FAM135B: variants seen among roughly 807,000 people sequenced by gnomAD.
The protein encoded by FAM135B is protein FAM135B.
In FAM135B, 43 loss-of-function variants were observed where a neutral mutation model predicts 127.7. The ratio of observed to expected loss-of-function variants is 0.34; its 90% CI spans 0.26 to 0.43. The LOEUF (loss-of-function observed/expected upper bound fraction) is 0.43. FAM135B is among the 20% of genes least tolerant of loss of function. The pLI is 1.00. For synonymous variants in FAM135B, 670 were observed against 665.1 expected (o/e 1.01, Z -0.11); for missense variants, 1,558 against 1,725.6 (o/e 0.90, Z 1.72).
At chr8:138,359,524 G>C (rs943731369) in intron 2 of FAM135B, among the ~76,000 whole-genome samples, 3 of 152,182 alleles carry the variant, frequency 2.0e-5, no homozygotes, top group Non-Finnish European at 2.9e-5. Flanking sequence ...TGACTGCCCA[G>C]CTCTCTAACA....
In FAM135B at chr8:138,243,135, C is replaced by A. The variant is rs2130389981; in HGVS notation, c.543-67G>T. On this transcript the variant is annotated intron_variant, in intron 6 of 19. Coordinates refer to ENST00000395297, the MANE Select transcript of FAM135B (RefSeq NM_015912.4). The surrounding 1 kb of genome is among the most constrained non-coding windows in gnomAD (Gnocchi z 7.5). ...AAAGTGATGGTGCCATTAACTCAGC[C>A]CCTTTGAGGAGTGTTCCTGTGAAGC... 6.5e-7 allele frequency: 1 copy of A among 1,536,978 alleles called. No homozygotes were observed.
chr8:138,303,284 A>G (rs868221826), intron 3 of FAM135B, among the ~76,000 whole-genome samples: 6 of 152,328 alleles, frequency 3.9e-5, no homozygotes, highest in African/African-American at 1.4e-4. Flanking sequence ...TGTCCTTTGC[A>G]GGATCATGGA....
Position 138,168,970 on chromosome 8 carries a change from T to C in FAM135B, c.1104-921A>G, listed in dbSNP as rs574969172. ...TGGAAGCCCCCCTTCTCCAGTCTTGTAGACCAGCTGCCTGTAGAAGAGCTT... is the reference window on the plus strand; with the variant it reads ...TGGAAGCCCCCCTTCTCCAGTCTTGCAGACCAGCTGCCTGTAGAAGAGCTT... On this transcript the variant is annotated intron_variant, in intron 11 of 19. Coordinates refer to ENST00000395297, the MANE Select transcript of FAM135B (RefSeq NM_015912.4). Among the ~76,000 whole-genome samples the C allele has an allele frequency of 9.2e-5, 14 of 152,280 alleles. No individual in the cohort carries two copies. In the East Asian group the frequency reaches 2.1e-3, roughly 23 times the overall value.
intron 1 of FAM135B, among the ~76,000 whole-genome samples, chr8:138,394,205 A>C (rs1832740678): frequency 2.6e-5 from 4 of 152,178 alleles, no homozygotes. Flanking sequence ...GACATTTTTC[A>C]AAACCTCTGG....
At chr8:138,137,843 C>T (rs903201152) in intron 18 of FAM135B, among the ~76,000 whole-genome samples, 2 of 152,128 alleles carry the variant, frequency 1.3e-5, no homozygotes, top group African/African-American at 4.8e-5. Context: ...TGTATCCCTG[C>T]AGGCCTCAGA....
intron 1 of FAM135B, among the ~76,000 whole-genome samples, chr8:138,452,115 C>T (rs1379784463): frequency 6.6e-6 from 1 of 150,790 alleles, no homozygotes; most frequent in Non-Finnish European, 1.5e-5. Context: ...ATTTCATCCA[C>T]CCAATCTGCT....
chr8:138,294,748 T>C (rs986808440), intron 3 of FAM135B, among the ~76,000 whole-genome samples: 9 of 152,284 alleles, frequency 5.9e-5, no homozygotes, highest in Non-Finnish European at 1.2e-4. Context: ...GAAACAGAAG[T>C]TCTTTCTCAT....
chr8:138,428,059 A>G (rs1392829608), intron 1 of FAM135B, among the ~76,000 whole-genome samples: 4 of 152,176 alleles, frequency 2.6e-5, no homozygotes, highest in African/African-American at 9.7e-5. Context: ...ATAGGCTTCC[A>G]TTAGTTGGGT....
intron 2 of FAM135B, among the ~76,000 whole-genome samples, chr8:138,314,637 G>A (rs948720159): frequency 2.7e-5 from 4 of 150,608 alleles, no homozygotes; most frequent in African/African-American, 4.9e-5. Context: ...TTCGGAGGCC[G>A]AGGCTGGAGA....
chr8:138,449,670 A>G (rs1001049422), intron 1 of FAM135B, among the ~76,000 whole-genome samples: 1 of 152,126 alleles, frequency 6.6e-6, no homozygotes, highest in Non-Finnish European at 1.5e-5. Context: ...TGTTTTTCAA[A>G]CAGCTTTAGG....
intron 2 of FAM135B, among the ~76,000 whole-genome samples, chr8:138,366,272 C>T (rs1355262370): frequency 1.3e-5 from 2 of 152,096 alleles, no homozygotes; most frequent in Admixed American, 6.5e-5. Flanking sequence ...TGTCTAATAC[C>T]ATGATGGAAA....
At chr8:138,167,558 T>A (rs999929323) in intron 12 of FAM135B, among the ~76,000 whole-genome samples, 1 of 152,172 alleles carries the variant, frequency 6.6e-6, no homozygotes, top group Non-Finnish European at 1.5e-5. Context: ...ACATTTGAGA[T>A]AAGAAAGAAT....
chr8:138,301,372 T>A (rs545412542), intron 3 of FAM135B, among the ~76,000 whole-genome samples: 152 of 152,264 alleles, frequency 1.0e-3, no homozygotes, highest in African/African-American at 3.6e-3. Flanking sequence ...ACAATCAGGA[T>A]TTTTTTTCTT....
intron 12 of FAM135B, among the ~76,000 whole-genome samples, chr8:138,165,493 T>C (rs1819828348): frequency 6.6e-6 from 1 of 152,110 alleles, no homozygotes; most frequent in Non-Finnish European, 1.5e-5. Flanking sequence ...CTGAGATTCA[T>C]ATTCACAAGA....
At chr8:138,345,161 G>A (rs1829325216) in intron 2 of FAM135B, among the ~76,000 whole-genome samples, 1 of 152,198 alleles carries the variant, frequency 6.6e-6, no homozygotes, top group Non-Finnish European at 1.5e-5. Flanking sequence ...AGCTTTGGCT[G>A]AGCCTCATTC....
chr8:138,179,869 C>T (rs190653546), intron 9 of FAM135B, among the ~76,000 whole-genome samples: 30 of 152,132 alleles, frequency 2.0e-4, no homozygotes, highest in South Asian at 1.0e-3. Context: ...TTTGTAGAGA[C>T]GGGGTCTCAC....
intron 1 of FAM135B, among the ~76,000 whole-genome samples, chr8:138,416,181 C>T (rs954114054): frequency 6.6e-6 from 1 of 152,148 alleles, no homozygotes. Context: ...ATTCTCTGTA[C>T]TTTTGGAGTA....
intron 6 of FAM135B, among the ~76,000 whole-genome samples, chr8:138,247,252 G>T (rs1821361494): frequency 6.6e-6 from 1 of 152,188 alleles, no homozygotes; most frequent in Non-Finnish European, 1.5e-5. Context: ...ATTTGGGAAG[G>T]ATTAGGGTGG....
At chr8:138,171,930 A>G (rs1820492341) in intron 11 of FAM135B, among the ~76,000 whole-genome samples, 1 of 152,138 alleles carries the variant, frequency 6.6e-6, no homozygotes, top group African/African-American at 2.4e-5. Context: ...ATCTGTGTTT[A>G]TACAGGTGGA....
Sources: gnomAD v4.1 joint callset for allele counts (sites outside exome capture counted in the v4.1 genomes callset) on GRCh38, gnomAD v4.1.1 for gene constraint, Gnocchi (gnomAD v3.1) non-coding constraint, MANE v1.5 for transcripts, NCBI Gene and HGNC (gene_info 2026-07-23, HGNC 2026-07-21) for gene names.